NFAT5: variants seen among roughly 807,000 people sequenced by gnomAD.
NFAT5 encodes the protein nuclear factor of activated T cells 5, also known as nuclear factor of activated T-cells 5.
In NFAT5, 31 loss-of-function variants were observed where a neutral mutation model predicts 166.5. The observed-to-expected ratio is 0.19, with a 90% CI of 0.14 to 0.25. The LOEUF (loss-of-function observed/expected upper bound fraction) is 0.25. Ranked by LOEUF, NFAT5 falls within the 10% of genes least tolerant of loss-of-function variation. The pLI, the probability that NFAT5 is intolerant of heterozygous loss-of-function variation, is 1.00. For missense variants in NFAT5, 1,449 were observed against 1,821.8 expected, an observed-to-expected ratio of 0.80 and a Z score of 3.72; for synonymous variants, 612 against 639.7, an observed-to-expected ratio of 0.96 and a Z score of 0.65.
intron 3 of NFAT5, among the ~76,000 whole-genome samples, chr16:69,638,735 C>CA (rs34075469): frequency 0.31 from 27,379 of 87,718 alleles, 3,262 homozygotes; most frequent in East Asian, 0.44. Flanking sequence ...GACTCGGTCT[C>CA]AAAAAAAAAA....
chr16:69,623,931 G>GA (rs1221251504), intron 2 of NFAT5, among the ~76,000 whole-genome samples: 43 of 147,888 alleles, frequency 2.9e-4, no homozygotes, highest in African/African-American at 1.1e-3. Context: ...TTATGTGATG[G>GA]AAAAAAACAG....
intron 2 of NFAT5, among the ~76,000 whole-genome samples, chr16:69,625,120 T>C (rs2034396266): frequency 6.6e-6 from 1 of 152,014 alleles, no homozygotes; most frequent in Non-Finnish European, 1.5e-5. Context: ...CAGGCTGGTC[T>C]CGAACTCCTG....
chr16:69,602,053 T>G (rs1175648236), intron 2 of NFAT5, among the ~76,000 whole-genome samples: 2 of 152,224 alleles, frequency 1.3e-5, no homozygotes, highest in East Asian at 3.8e-4. Flanking sequence ...GCTCTGCTTC[T>G]TCATTTAGTT....
At chr16:69,695,030 T>TA in intron 13 of NFAT5, 106 bp from the exon 14 acceptor site, 1 of 845,446 alleles carries the variant, frequency 1.2e-6, no homozygotes, top group South Asian at 1.8e-5. Context: ...CCCCAACAAC[T>TA]AATAAATATC....
At chr16:69,675,676 G>A (rs560896394) in intron 9 of NFAT5, among the ~76,000 whole-genome samples, 2 of 152,198 alleles carry the variant, frequency 1.3e-5, no homozygotes, top group East Asian at 3.9e-4. Flanking sequence ...TTACGCTCTT[G>A]TTGCCCAGGC....
At chr16:69,644,025 C>T (rs764788257) in intron 3 of NFAT5, among the ~76,000 whole-genome samples, 1 of 152,284 alleles carries the variant, frequency 6.6e-6, no homozygotes, top group South Asian at 2.1e-4. Context: ...GTGGCTCACG[C>T]TTATAATCCC....
chr16:69,640,537 T>C lies in NFAT5; in HGVS notation c.254-6491T>C, dbSNP rs78270038. ...GTGTTGGCCTTACAGCTTTTTTCTC[T>C]GAATATCTTTCTTCTTTAATCTGAA... On this transcript the variant is annotated intron_variant, in intron 3 of 14. Coordinates refer to ENST00000349945, the MANE Select transcript of NFAT5 (RefSeq NM_138713.4). Among the ~76,000 whole-genome samples, 1,170 of 152,344 alleles carry C rather than the reference T, an allele frequency of 7.7e-3. 100 individuals are homozygous for C. The East Asian group carries it at 0.19, about 24-fold the overall frequency.
chr16:69,685,832 G>A lies in NFAT5; in HGVS notation c.1774+862G>A, dbSNP rs538791628. The A allele has an allele frequency of 3.9e-5, 6 of 152,096 alleles. No homozygotes were observed. In the East Asian group the frequency reaches 1.2e-3, roughly 30 times the overall value. The allele number at this position is 152,096 out of a possible 1,614,324, so 9.4% of individuals were successfully genotyped here. Reference sequence around the variant, plus strand: ...AGGCCAAGGTGGGCAGATAACCTGAGGTCAGGCATTTAAGACCAGAGTGAC... The same window carrying A: ...AGGCCAAGGTGGGCAGATAACCTGAAGTCAGGCATTTAAGACCAGAGTGAC... On this transcript the variant is annotated intron_variant, in intron 11 of 14. Coordinates refer to ENST00000349945, the MANE Select transcript of NFAT5 (RefSeq NM_138713.4).
intron 3 of NFAT5, among the ~76,000 whole-genome samples, chr16:69,638,261 A>T (rs1050999512): frequency 3.9e-5 from 6 of 152,106 alleles, no homozygotes; most frequent in African/African-American, 4.8e-5. Context: ...AAAACAAAAA[A>T]ACTTCTGGTA....
intron 10 of NFAT5, among the ~76,000 whole-genome samples, chr16:69,683,802 C>G (rs1401449618): frequency 6.6e-6 from 1 of 151,860 alleles, no homozygotes; most frequent in Admixed American, 6.6e-5. Flanking sequence ...ACTAAAAATA[C>G]AAAAATTAGC....
chr16:69,600,575 T>G (rs750110257), intron 2 of NFAT5, among the ~76,000 whole-genome samples: 1 of 152,092 alleles, frequency 6.6e-6, no homozygotes, highest in Non-Finnish European at 1.5e-5. Context: ...CATGGTTGCT[T>G]CTTTTCTTGA....
chr16:69,638,523 C>T (rs1052712110), intron 3 of NFAT5, among the ~76,000 whole-genome samples: 3 of 152,032 alleles, frequency 2.0e-5, no homozygotes, highest in Non-Finnish European at 4.4e-5. Flanking sequence ...CACCTGAGGT[C>T]AGGAGTTCAA....
rs1018994435 is a variant in NFAT5 at position 69,690,822 on chromosome 16, A to T, written c.1775-118A>T. 1.4e-5 allele frequency: 11 copies of T among 803,756 alleles called. 1 individual carries two copies. In the South Asian group the frequency reaches 2.8e-4, roughly 21 times the overall value. 49.8% of individuals were successfully genotyped at this position (803,756 alleles called of 1,614,324 possible). On this transcript the variant is annotated intron_variant, in intron 11 of 14. Coordinates refer to ENST00000349945, the MANE Select transcript of NFAT5 (RefSeq NM_138713.4). ...ATATACCAGGTTTGTATCTCATGCTACCATTGTAGCATCAAAAAAATAGAC... is the reference window on the plus strand; with the variant it reads ...ATATACCAGGTTTGTATCTCATGCTTCCATTGTAGCATCAAAAAAATAGAC...
chr16:69,612,280 AC>A (rs1567540474), intron 2 of NFAT5, among the ~76,000 whole-genome samples: 2 of 152,176 alleles, frequency 1.3e-5, no homozygotes, highest in Non-Finnish European at 2.9e-5. Context: ...AGGGTTTTCA[AC>A]CCATTTGGAG....
chr16:69,616,670 C>T (rs889235476), intron 2 of NFAT5, among the ~76,000 whole-genome samples: 1 of 152,090 alleles, frequency 6.6e-6, no homozygotes. Context: ...CACAGATATT[C>T]ATATATTCTT....
At chr16:69,679,650 A>G (rs991086221) in intron 10 of NFAT5, among the ~76,000 whole-genome samples, 2 of 152,196 alleles carry the variant, frequency 1.3e-5, no homozygotes, top group African/African-American at 4.8e-5. Flanking sequence ...TATTTGTCTC[A>G]GAATTAAAGA....
At chr16:69,641,544 C>A (rs912814507) in intron 3 of NFAT5, among the ~76,000 whole-genome samples, 2 of 152,002 alleles carry the variant, frequency 1.3e-5, no homozygotes, top group African/African-American at 2.4e-5. Flanking sequence ...TCATTTCTGT[C>A]ATATATTTTA....
chr16:69,676,068 G>A (rs2036820444), intron 9 of NFAT5, among the ~76,000 whole-genome samples: 1 of 152,176 alleles, frequency 6.6e-6, no homozygotes, highest in African/African-American at 2.4e-5. Flanking sequence ...ATTCAACTGA[G>A]TCAACGAACT....
At chr16:69,688,675 TA>T (rs1402459692) in intron 11 of NFAT5, among the ~76,000 whole-genome samples, 1 of 152,192 alleles carries the variant, frequency 6.6e-6, no homozygotes, top group Non-Finnish European at 1.5e-5. Context: ...CCCATATTTT[TA>T]TTTTTATAGG....
Sources: gnomAD v4.1 joint callset for allele counts (sites outside exome capture counted in the v4.1 genomes callset) on GRCh38, gnomAD v4.1.1 for gene constraint, MANE v1.5 for transcripts, NCBI Gene and HGNC (gene_info 2026-07-23, HGNC 2026-07-21) for gene names.